The following ARFIP1 variants were observed in gnomAD, a reference collection of about 807,000 sequenced individuals.
The protein encoded by ARFIP1 is arfaptin-1.
Under a neutral mutation model 42.5 loss-of-function variants are expected in ARFIP1, and 24 were observed. The observed-to-expected ratio is 0.57, with a 90% CI of 0.41 to 0.80. The LOEUF (loss-of-function observed/expected upper bound fraction) is 0.80, where lower values mean the gene tolerates loss of function less well. ARFIP1 is among the 30% of genes least tolerant of loss of function. ARFIP1 has a pLI of 0.00. For missense variants in ARFIP1, 354 were observed against 434.0 expected (o/e 0.82, Z 1.64); for synonymous variants, 141 against 153.7 (o/e 0.92, Z 0.61).
intron 2 of ARFIP1, among the ~76,000 whole-genome samples, chr4:152,835,421 C>G (rs1483977564): frequency 2.6e-5 from 4 of 152,216 alleles, no homozygotes; most frequent in Non-Finnish European, 4.4e-5. Context: ...GCAGTGCAGC[C>G]AAGCTCTTTG....
intron 2 of ARFIP1, among the ~76,000 whole-genome samples, chr4:152,836,526 T>C (rs1157242734): frequency 6.6e-6 from 1 of 152,198 alleles, no homozygotes; most frequent in Non-Finnish European, 1.5e-5. Flanking sequence ...ATCTCTTTTC[T>C]TTCTTCTTTT....
At chr4:152,875,130 G>A (rs1166213342) in intron 5 of ARFIP1, among the ~76,000 whole-genome samples, 1 of 152,028 alleles carries the variant, frequency 6.6e-6, no homozygotes, top group Non-Finnish European at 1.5e-5. Context: ...TTGGTCCCAA[G>A]ACCAACATGG....
At chr4:152,885,879 G>T (rs1736218402) in intron 7 of ARFIP1, among the ~76,000 whole-genome samples, 1 of 151,832 alleles carries the variant, frequency 6.6e-6, no homozygotes, top group South Asian at 2.1e-4. Flanking sequence ...GCATTCTAAA[G>T]GTATCAGTTA....
At chr4:152,787,200 T>G (rs1730860702) in intron 1 of ARFIP1, among the ~76,000 whole-genome samples, 1 of 152,210 alleles carries the variant, frequency 6.6e-6, no homozygotes, top group African/African-American at 2.4e-5. Context: ...AGGATTTCAG[T>G]TCATCGAGTT....
At chr4:152,782,702 A>G (rs1273198499) in intron 1 of ARFIP1, among the ~76,000 whole-genome samples, 1 of 152,142 alleles carries the variant, frequency 6.6e-6, no homozygotes, top group Non-Finnish European at 1.5e-5. Flanking sequence ...GCTTATCTTG[A>G]CATCCCCTTT....
intron 1 of ARFIP1, among the ~76,000 whole-genome samples, chr4:152,794,366 G>A (rs1051332877): frequency 5.9e-5 from 9 of 152,052 alleles, no homozygotes; most frequent in Admixed American, 6.6e-5. Flanking sequence ...AGAATATCTC[G>A]CAGTTTAGGT....
At chr4:152,824,575 C>G (rs1730663550) in intron 1 of ARFIP1, among the ~76,000 whole-genome samples, 1 of 152,148 alleles carries the variant, frequency 6.6e-6, no homozygotes, top group South Asian at 2.1e-4. Flanking sequence ...CACTCAACAG[C>G]CAGCATCATG....
intron 2 of ARFIP1, among the ~76,000 whole-genome samples, chr4:152,849,877 G>A (rs1732845105): frequency 6.6e-6 from 1 of 152,160 alleles, no homozygotes; most frequent in Non-Finnish European, 1.5e-5. Context: ...TTGCCTGAGT[G>A]GAATATGGGG....
chr4:152,803,983 ATT>A (rs891006288), intron 1 of ARFIP1, among the ~76,000 whole-genome samples: 3 of 125,992 alleles, frequency 2.4e-5, no homozygotes, highest in African/African-American at 8.5e-5. Context: ...TATTATATAT[ATT>A]TTATATATAT....
chr4:152,894,968 C>T (rs1737187531), intron 8 of ARFIP1, among the ~76,000 whole-genome samples: 1 of 152,136 alleles, frequency 6.6e-6, no homozygotes, highest in Non-Finnish European at 1.5e-5. Flanking sequence ...TGCCTTGTGG[C>T]AGGAGAGGGT....
At chr4:152,786,876 A>G (rs1730840836) in intron 1 of ARFIP1, among the ~76,000 whole-genome samples, 1 of 152,132 alleles carries the variant, frequency 6.6e-6, no homozygotes, top group Non-Finnish European at 1.5e-5. Context: ...TGTCTGGACC[A>G]TTCTTTCTTT....
intron 1 of ARFIP1, among the ~76,000 whole-genome samples, chr4:152,813,615 A>G (rs1263430664): frequency 2.0e-5 from 3 of 152,074 alleles, no homozygotes; most frequent in Non-Finnish European, 2.9e-5. Flanking sequence ...ATATATCCTG[A>G]AATTTTGTAG....
At chr4:152,801,192 C>T (rs1017315468) in intron 1 of ARFIP1, among the ~76,000 whole-genome samples, 3 of 152,096 alleles carry the variant, frequency 2.0e-5, no homozygotes, top group Admixed American at 2.0e-4. Flanking sequence ...TGCTGTAAAG[C>T]ATAAGGGGCT....
chr4:152,857,529 A>C (rs1733541597), intron 2 of ARFIP1, among the ~76,000 whole-genome samples: 1 of 152,206 alleles, frequency 6.6e-6, no homozygotes, highest in African/African-American at 2.4e-5. Flanking sequence ...AAGCACTTCA[A>C]GTGTTTGTCA....
intron 1 of ARFIP1, chr4:152,796,906 G>T: frequency 2.6e-6 from 1 of 383,056 alleles, no homozygotes; most frequent in Non-Finnish European, 4.7e-6. Context: ...TTGTTTTTAA[G>T]AATTCTTTAT....
At chr4:152,880,692 G>A (rs1048861838) in intron 5 of ARFIP1, among the ~76,000 whole-genome samples, 4 of 152,198 alleles carry the variant, frequency 2.6e-5, no homozygotes, top group Admixed American at 1.3e-4. Flanking sequence ...CTACCCAAAT[G>A]TACTAAACTT....
chr4:152,898,122 A>G (rs1458350361), intron 8 of ARFIP1, among the ~76,000 whole-genome samples: 1 of 150,742 alleles, frequency 6.6e-6, no homozygotes, highest in Non-Finnish European at 1.5e-5. Flanking sequence ...GGCTGGGATT[A>G]CAGGCGCCCA....
intron 1 of ARFIP1, among the ~76,000 whole-genome samples, chr4:152,782,342 C>CTTT (rs1322169479): frequency 6.6e-6 from 1 of 151,896 alleles, no homozygotes; most frequent in East Asian, 1.9e-4. Context: ...GAAATCTCTC[C>CTTT]TTTAAAACAT....
chr4:152,784,910 G>T (rs1730709991), intron 1 of ARFIP1, among the ~76,000 whole-genome samples: 1 of 152,174 alleles, frequency 6.6e-6, no homozygotes, highest in African/African-American at 2.4e-5. Flanking sequence ...GAGCCTCATT[G>T]GTCCCTGGGG....
Sources: allele counts gnomAD v4.1 joint callset (sites outside exome capture counted in the v4.1 genomes callset), GRCh38; gene constraint gnomAD v4.1.1; transcripts MANE v1.5; gene names NCBI Gene and HGNC (gene_info 2026-07-23, HGNC 2026-07-21).